TBC1D12: variants seen among roughly 807,000 people sequenced by gnomAD.
TBC1D12 encodes TBC1 domain family member 12.
A neutral mutation model predicts 86.7 loss-of-function variants in TBC1D12; 56 were observed. The observed-to-expected ratio is 0.65, with a 90% CI of 0.52 to 0.81. The LOEUF (loss-of-function observed/expected upper bound fraction) is 0.81, where lower values mean the gene tolerates loss of function less well. Among genes scored for constraint, TBC1D12 ranks in the 30% least tolerant of loss-of-function variants. The probability of loss-of-function intolerance (pLI) is 0.00; values close to 1 mark genes in which losing one functional copy is unlikely to be tolerated. For missense variants in TBC1D12, 1,023 were observed against 1,038.8 expected (o/e 0.98, Z 0.21); for synonymous variants, 421 against 411.7 (o/e 1.02, Z -0.27).
chr10:94,503,833 C>T (rs1480967086), intron 6 of TBC1D12, among the ~76,000 whole-genome samples: 1 of 152,164 alleles, frequency 6.6e-6, no homozygotes, highest in Non-Finnish European at 1.5e-5. Flanking sequence ...CCATGTTGGC[C>T]AGGCTGGTCT....
At position 94,533,573 on chromosome 10, in the gene TBC1D12, A is replaced by G. The variant is rs945623649; in HGVS notation, c.*477A>G. On this transcript the variant is annotated 3_prime_UTR_variant, in exon 13 of 13. Transcript: ENST00000225235. ...ACCAGTAATGAACAGATTTGGTTGT[A>G]AATTATTTAAGTCACTGAAGATGTC... 3 of 152,372 alleles carry G rather than the reference A, an allele frequency of 2.0e-5. No homozygotes were observed. The Middle Eastern group carries it at 0.01, about 518-fold the overall frequency. The allele number at this position is 152,372 out of a possible 1,614,324, so 9.4% of individuals were successfully genotyped here. A position where few individuals can be genotyped will look rare whatever the true frequency, so the allele number is the denominator to read the frequency against.
chr10:94,497,923 T>A (rs1385452636), intron 5 of TBC1D12, among the ~76,000 whole-genome samples: 1 of 148,144 alleles, frequency 6.8e-6, no homozygotes, highest in Non-Finnish European at 1.5e-5. Context: ...CCCGGGTTCA[T>A]GCCATTCTCC....
intron 1 of TBC1D12, among the ~76,000 whole-genome samples, chr10:94,434,484 C>T (rs556150642): frequency 4.2e-5 from 6 of 144,156 alleles, no homozygotes; most frequent in South Asian, 2.2e-4. Context: ...CCAGCCTGGA[C>T]GACACAGCAA....
chr10:94,456,276 ATCTT>A (rs1367781990), intron 2 of TBC1D12, among the ~76,000 whole-genome samples: 10 of 151,806 alleles, frequency 6.6e-5, no homozygotes, highest in African/African-American at 2.4e-4. Context: ...TTGATTTTAG[ATCTT>A]TCTTCTTTTC....
At chr10:94,500,748 A>AT (rs148269881) in intron 6 of TBC1D12, among the ~76,000 whole-genome samples, 4,527 of 150,466 alleles carry the variant, frequency 0.03, 102 homozygotes, top group Middle Eastern at 0.051. Context: ...TCATTTTGGG[A>AT]TTTTTTTTTT....
At chr10:94,414,071 T>A (rs2054964151) in intron 1 of TBC1D12, among the ~76,000 whole-genome samples, 1 of 152,216 alleles carries the variant, frequency 6.6e-6, no homozygotes, top group Admixed American at 6.5e-5. Flanking sequence ...ACTTTTTTTT[T>A]AGAAAAACAT....
chr10:94,525,677 A>AC (rs1842269284), intron 11 of TBC1D12, among the ~76,000 whole-genome samples: 1 of 151,776 alleles, frequency 6.6e-6, no homozygotes, highest in Non-Finnish European at 1.5e-5. Flanking sequence ...AAAAAAAAAA[A>AC]AGCTAAACAA....
intron 1 of TBC1D12, among the ~76,000 whole-genome samples, chr10:94,422,455 T>A (rs2055088426): frequency 6.6e-6 from 1 of 152,172 alleles, no homozygotes; most frequent in Non-Finnish European, 1.5e-5. Flanking sequence ...CCTAAAGTGC[T>A]GGAATTACAG....
intron 7 of TBC1D12, among the ~76,000 whole-genome samples, 189 bp downstream of exon 7, chr10:94,507,536 A>G (rs1027613506): frequency 2.0e-5 from 3 of 152,192 alleles, no homozygotes; most frequent in African/African-American, 7.2e-5. Flanking sequence ...CCTCTTAGCT[A>G]TGTCAGCTAT....
intron 3 of TBC1D12, among the ~76,000 whole-genome samples, chr10:94,476,653 G>A (rs1187824285): frequency 1.3e-5 from 2 of 152,266 alleles, no homozygotes; most frequent in East Asian, 1.9e-4. Context: ...GAATTTATCC[G>A]AAATGGATTA....
chr10:94,415,529 C>T (rs918965850), intron 1 of TBC1D12, among the ~76,000 whole-genome samples: 8 of 152,108 alleles, frequency 5.3e-5, no homozygotes, highest in Non-Finnish European at 7.4e-5. Flanking sequence ...GTCAGGAGAT[C>T]GAGACCATCC....
chr10:94,493,948 T>C (rs2056281285), intron 4 of TBC1D12, among the ~76,000 whole-genome samples: 1 of 152,036 alleles, frequency 6.6e-6, no homozygotes, highest in African/African-American at 2.4e-5. Flanking sequence ...TTCATGAATC[T>C]ATTAATGAAT....
intron 11 of TBC1D12, among the ~76,000 whole-genome samples, chr10:94,527,898 C>T (rs183914878): frequency 6.6e-6 from 1 of 152,040 alleles, no homozygotes; most frequent in Non-Finnish European, 1.5e-5. Context: ...TGTGGATTAA[C>T]TTCTGGGTTC....
intron 2 of TBC1D12, among the ~76,000 whole-genome samples, chr10:94,466,730 C>T (rs1324436185): frequency 6.6e-6 from 1 of 151,994 alleles, no homozygotes; most frequent in African/African-American, 2.4e-5. Context: ...CATCTATTAC[C>T]CTGTACATTT....
intron 3 of TBC1D12, among the ~76,000 whole-genome samples, chr10:94,492,624 A>G (rs1378846036): frequency 6.6e-6 from 1 of 152,228 alleles, no homozygotes; most frequent in East Asian, 1.9e-4. Context: ...GTGCTGAGCA[A>G]AAGAAGCCAG....
intron 4 of TBC1D12, among the ~76,000 whole-genome samples, chr10:94,496,326 A>G (rs553565236): frequency 6.6e-6 from 1 of 152,168 alleles, no homozygotes; most frequent in East Asian, 1.9e-4. Flanking sequence ...TTTCAGAGAG[A>G]TATTTTCTTC....
At chr10:94,493,154 A>G (rs1327240717) in intron 3 of TBC1D12, among the ~76,000 whole-genome samples, 1 of 39,952 alleles carries the variant, frequency 2.5e-5, no homozygotes, top group Non-Finnish European at 6.8e-5. Context: ...ATAGAACTAC[A>G]CACACACACA....
At chr10:94,411,316 T>C (rs1179898772) in intron 1 of TBC1D12, among the ~76,000 whole-genome samples, 1 of 152,214 alleles carries the variant, frequency 6.6e-6, no homozygotes, top group African/African-American at 2.4e-5. Flanking sequence ...AGTTAATCAA[T>C]TAACTGGAAT....
chr10:94,402,872 T>A lies in TBC1D12; in HGVS notation c.259T>A (p.Tyr87Asn), dbSNP rs1396995478. 8 of 1,515,614 alleles carry A rather than the reference T, an allele frequency of 5.3e-6. No individual in the cohort carries two copies. Among genetic ancestry groups the A allele is most frequent in the East Asian group, 5.1e-5 (2 of 39,098 alleles). 93.9% of individuals were successfully genotyped at this position (1,515,614 alleles called of 1,614,324 possible). Residue 87 changes from tyrosine (Y) to asparagine (N), a missense_variant, in exon 1 of 13, where the codon TAC becomes AAC. Around this residue, in one of 2 missense-constraint regions of TBC1D12, gnomAD observed 628 missense variants for 531.1 expected, o/e 1.18. Transcript: ENST00000225235. Reference protein sequence around the residue: ...AGEQLEPGLCYCPLPAGQAGA... With the variant: ...AGEQLEPGLCNCPLPAGQAGA... ...GGAGCAGCTGGAGCCGGGGCTCTGC[T>A]ACTGTCCGCTCCCCGCTGGCCAGGC...
Sources: allele counts gnomAD v4.1 joint callset (sites outside exome capture counted in the v4.1 genomes callset), GRCh38; gene constraint gnomAD v4.1.1; regional missense constraint gnomAD v4.1.1; transcripts MANE v1.5; gene names NCBI Gene and HGNC (gene_info 2026-07-23, HGNC 2026-07-21).